Variants in ZNF423 observed in about 807,000 individuals in gnomAD.
ZNF423 encodes Ebf-associated zinc finger protein.
Under a neutral mutation model 95.8 loss-of-function variants are expected in ZNF423, and 12 were observed. The ratio of observed to expected loss-of-function variants is 0.13; its 90% CI spans 0.08 to 0.20. The LOEUF (loss-of-function observed/expected upper bound fraction) is 0.20. Among genes scored for constraint, ZNF423 ranks in the 10% least tolerant of loss-of-function variants. The probability of loss-of-function intolerance (pLI) is 1.00; values close to 1 mark genes in which losing one functional copy is unlikely to be tolerated. For missense variants in ZNF423, 1,316 were observed against 1,737.1 expected (o/e 0.76, Z 4.31); for synonymous variants, 749 against 711.9 (o/e 1.05, Z -0.83).
At chr16:49,571,253 T>C (rs1324147421) in intron 5 of ZNF423, among the ~76,000 whole-genome samples, 1 of 152,088 alleles carries the variant, frequency 6.6e-6, no homozygotes, top group African/African-American at 2.4e-5. Context: ...AAGCATCAAA[T>C]GTTTACTGTG....
At chr16:49,730,641 C>A (rs2033140832) in intron 3 of ZNF423, 130 bp downstream of exon 3, 2 of 1,007,322 alleles carry the variant, frequency 2.0e-6, no homozygotes, top group East Asian at 5.2e-5. Context: ...ACCCAAGACA[C>A]CACAATAAAA....
chr16:49,604,062 G>A (rs929066875), intron 5 of ZNF423, among the ~76,000 whole-genome samples: 1 of 152,220 alleles, frequency 6.6e-6, no homozygotes, highest in Admixed American at 6.5e-5. Context: ...TGTCTGAGCT[G>A]CAAGAACAGC....
At chr16:49,787,369 G>T (rs1334084405) in intron 2 of ZNF423, among the ~76,000 whole-genome samples, 1 of 152,110 alleles carries the variant, frequency 6.6e-6, no homozygotes, top group Non-Finnish European at 1.5e-5. Context: ...GTCTGGCTGT[G>T]GATTATCCAC....
chr16:49,600,801 G>A (rs939814836), intron 5 of ZNF423, among the ~76,000 whole-genome samples: 2 of 152,246 alleles, frequency 1.3e-5, no homozygotes, highest in East Asian at 1.9e-4. Flanking sequence ...CTCCGGCTCC[G>A]ACACCAAAGA....
At chr16:49,644,296 T>C (rs988731316) in intron 3 of ZNF423, among the ~76,000 whole-genome samples, 1 of 152,072 alleles carries the variant, frequency 6.6e-6, no homozygotes, top group Admixed American at 6.5e-5. Context: ...GGAAGATAGC[T>C]GAGCCCAGGA....
Position 49,638,680 on chromosome 16 carries a change from G to C in ZNF423, c.496C>G (p.Gln166Glu). The C allele has an allele frequency of 1.9e-6, 3 of 1,614,124 alleles. No homozygotes were observed. Among genetic ancestry groups the C allele is most frequent in the Non-Finnish European group, 2.5e-6 (3 of 1,180,034 alleles). ...AACGGCAGCTTGTCGCTGTGGATCT[G>C]CTCGTGCCTCTTCAAGTAGCTCAAG... ...IRLSYLKRHE[Q>E]IHSDKLPFKC... Residue 166 changes from glutamine (Q) to glutamate (E), a missense_variant, in exon 4 of 8, where the codon CAG becomes GAG. Gln to Glu is a conservative substitution (Grantham distance 29). Coordinates refer to ENST00000563137, the MANE Select transcript of ZNF423 (RefSeq NM_001379286.1). This position sits in a 1 kb window ranked among gnomAD's most constrained non-coding sequence, Gnocchi z 5.6.
chr16:49,774,884 A>G (rs934929908), intron 2 of ZNF423, among the ~76,000 whole-genome samples: 3 of 152,206 alleles, frequency 2.0e-5, no homozygotes, highest in African/African-American at 4.8e-5. Flanking sequence ...ACAGATTCTG[A>G]GCCCAAGAGT....
intron 3 of ZNF423, among the ~76,000 whole-genome samples, chr16:49,677,272 A>AAGGGAAGG (rs1567283933): frequency 2.8e-5 from 2 of 71,048 alleles, no homozygotes; most frequent in Non-Finnish European, 2.9e-5. Context: ...AGAAGAGAAG[A>AAGGGAAGG]GAAGAGAAGA....
At chr16:49,502,857 AC>A (rs1273195700) in intron 7 of ZNF423, among the ~76,000 whole-genome samples, 5 of 120,836 alleles carry the variant, frequency 4.1e-5, no homozygotes, top group Non-Finnish European at 8.4e-5. Flanking sequence ...ACACACGGAT[AC>A]CCCCCAATCC....
intron 5 of ZNF423, among the ~76,000 whole-genome samples, chr16:49,528,105 G>A (rs560493983): frequency 1.4e-3 from 208 of 152,230 alleles, no homozygotes; most frequent in African/African-American, 3.9e-3. Context: ...GGGCTGAGAC[G>A]GCAAACAGGA....
intron 1 of ZNF423, among the ~76,000 whole-genome samples, chr16:49,839,343 G>C (rs962285963): frequency 2.0e-5 from 3 of 152,202 alleles, no homozygotes; most frequent in Non-Finnish European, 4.4e-5. Flanking sequence ...GCCTTGGAGA[G>C]GGGCCGGCCT....
chr16:49,620,488 C>CA (rs1972033984), intron 5 of ZNF423, among the ~76,000 whole-genome samples: 1 of 152,212 alleles, frequency 6.6e-6, no homozygotes, highest in South Asian at 2.1e-4. Flanking sequence ...CCGGCGTGAG[C>CA]ATGAAAAGCA....
At chr16:49,669,485 C>T (rs12924119) in intron 3 of ZNF423, among the ~76,000 whole-genome samples, 55,446 of 152,084 alleles carry the variant, frequency 0.36, 11,300 homozygotes, top group African/African-American at 0.55. Flanking sequence ...CTGCCCAGCA[C>T]AGATTCATCT....
At chr16:49,728,322 T>C (rs911171806) in intron 3 of ZNF423, among the ~76,000 whole-genome samples, 17 of 152,184 alleles carry the variant, frequency 1.1e-4, no homozygotes, top group Non-Finnish European at 2.4e-4. Flanking sequence ...GGGTCATGCC[T>C]TTACCAGGCG....
intron 1 of ZNF423, among the ~76,000 whole-genome samples, chr16:49,849,316 A>G (rs1351565158): frequency 6.6e-6 from 1 of 152,138 alleles, no homozygotes; most frequent in Non-Finnish European, 1.5e-5. Flanking sequence ...CTGTAAGAAA[A>G]AACTGTTTGC....
At chr16:49,626,369 C>A (rs1972271943) in intron 4 of ZNF423, 115 bp from the exon 5 acceptor site, 1 of 860,178 alleles carries the variant, frequency 1.2e-6, no homozygotes, top group Non-Finnish European at 1.9e-6. Context: ...CAGTCCCCTC[C>A]TAGGTCTCCC....
At chr16:49,749,385 G>C in intron 2 of ZNF423, among the ~76,000 whole-genome samples, 1 of 152,188 alleles carries the variant, frequency 6.6e-6, no homozygotes, top group Non-Finnish European at 1.5e-5. Flanking sequence ...CTGTGTTTCT[G>C]AGTATCTTTC....
chr16:49,725,959 G>A (rs1033815035), intron 3 of ZNF423, among the ~76,000 whole-genome samples: 4 of 152,220 alleles, frequency 2.6e-5, no homozygotes, highest in East Asian at 1.9e-4. Context: ...TCCTGAAGGC[G>A]ATTTCTATTC....
chr16:49,644,386 G>A lies in ZNF423; in HGVS notation c.302-5512C>T, dbSNP rs114134041. On this transcript the variant is annotated intron_variant, in intron 3 of 7. Transcript: ENST00000563137. ...AAATGACCATCCAGCCGGGCATGGTGGCTCATGCCTGTAATCCCTGAACAT... is the reference window on the plus strand; with the variant it reads ...AAATGACCATCCAGCCGGGCATGGTAGCTCATGCCTGTAATCCCTGAACAT... 4.4e-3 allele frequency among the ~76,000 whole-genome samples: 670 copies of A among 151,950 alleles called. 7 individuals are homozygous for A. The highest frequency in any genetic ancestry group is 0.015 in the African/African-American group (641 of 41,426).
Sources: gnomAD v4.1 joint callset for allele counts (sites outside exome capture counted in the v4.1 genomes callset) on GRCh38, gnomAD v4.1.1 for gene constraint, Gnocchi (gnomAD v3.1) non-coding constraint, MANE v1.5 for transcripts, NCBI Gene and HGNC (gene_info 2026-07-23, HGNC 2026-07-21) for gene names.